PCDHGB1: variants seen among roughly 807,000 people sequenced by gnomAD.
PCDHGB1 encodes the protein protocadherin gamma-B1.
A neutral mutation model predicts 56.6 loss-of-function variants in PCDHGB1; 34 were observed. The observed-to-expected ratio is 0.60, with a 90% CI of 0.46 to 0.80. PCDHGB1 has a LOEUF of 0.80. Among genes scored for constraint, PCDHGB1 ranks in the 30% least tolerant of loss-of-function variants. The pLI, the probability that PCDHGB1 is intolerant of heterozygous loss-of-function variation, is 0.00. For missense variants in PCDHGB1, 1,278 were observed against 1,204.6 expected, an observed-to-expected ratio of 1.06 and a Z score of -0.90; for synonymous variants, 561 against 505.9, an observed-to-expected ratio of 1.11 and a Z score of -1.46.
chr5:141,374,657 CCGGAGCTGGTGCTGG>C (rs780169875), intron 1 of PCDHGB1: 1 of 1,612,018 alleles, frequency 6.2e-7, no homozygotes, highest in Admixed American at 1.7e-5. Context: ...GCCCAAGTAC[CCGGAGCTGGTGCTGG>C]AGGGCACACT....
chr5:141,416,585 A>T (rs2096043494), intron 1 of PCDHGB1: 2 of 152,244 alleles, frequency 1.3e-5, no homozygotes, highest in Non-Finnish European at 2.9e-5. Context: ...GAGGCAAAAT[A>T]AACTTAGAGT....
chr5:141,422,011 G>T (rs200879435), intron 1 of PCDHGB1: 2 of 1,610,252 alleles, frequency 1.2e-6, no homozygotes, highest in East Asian at 2.2e-5. Flanking sequence ...CGGAACTCGG[G>T]TGCTGATGGT....
chr5:141,359,491 C>T (rs553300282), intron 1 of PCDHGB1, among the ~76,000 whole-genome samples: 25 of 150,570 alleles, frequency 1.7e-4, no homozygotes, highest in African/African-American at 5.4e-4. Context: ...ATTCATATTA[C>T]GGACTACTAG....
chr5:141,445,115 A>G (rs1038787011), intron 1 of PCDHGB1, among the ~76,000 whole-genome samples: 1 of 152,308 alleles, frequency 6.6e-6, no homozygotes, highest in East Asian at 1.9e-4. Flanking sequence ...GTTATTGTAA[A>G]TAGTATTTTT....
chr5:141,498,146 G>A (rs924380243), intron 2 of PCDHGB1, among the ~76,000 whole-genome samples: 1 of 152,200 alleles, frequency 6.6e-6, no homozygotes, highest in Non-Finnish European at 1.5e-5. Context: ...GGACATCCTG[G>A]AAATGAAGTT....
At chr5:141,404,465 G>C in intron 1 of PCDHGB1, 1 of 1,613,516 alleles carries the variant, frequency 6.2e-7, no homozygotes, top group Non-Finnish European at 8.5e-7. Flanking sequence ...CTCCACCTAT[G>C]TCTCTATTAA....
At chr5:141,475,803 G>T in intron 1 of PCDHGB1, 1 of 319,920 alleles carries the variant, frequency 3.1e-6, no homozygotes, top group Non-Finnish European at 5.7e-6. Flanking sequence ...GAAGCCAAAG[G>T]AAAGTGAAGT....
At chr5:141,435,954 G>A (rs1163590812) in intron 1 of PCDHGB1, among the ~76,000 whole-genome samples, 2 of 152,092 alleles carry the variant, frequency 1.3e-5, no homozygotes, top group African/African-American at 2.4e-5. Flanking sequence ...AAAAAAGGGG[G>A]CAAAATATAG....
chr5:141,403,217 A>G (rs763517467), intron 1 of PCDHGB1: 10 of 1,613,810 alleles, frequency 6.2e-6, no homozygotes, highest in East Asian at 2.2e-5. Context: ...CACCGCGGGT[A>G]GGATAGACCG....
At position 141,490,346 on chromosome 5, in the gene PCDHGB1, T is replaced by G. The variant is rs1396321935; in HGVS notation, c.2410-4461T>G. 1.2e-6 allele frequency: 2 copies of G among 1,614,046 alleles called. No individual in the cohort carries two copies. Among genetic ancestry groups the G allele is most frequent in the African/African-American group, 2.7e-5 (2 of 74,900 alleles). ...GAGAGCACACCAGTGGGCACAGTAG[T>G]GGGGTTGTTTAATGTGCGAGACCGG... On this transcript the variant is annotated intron_variant, in intron 1 of 3. Coordinates refer to ENST00000523390, the MANE Select transcript of PCDHGB1 (RefSeq NM_018922.3). This position sits in a 1 kb window ranked among gnomAD's most constrained non-coding sequence, Gnocchi z 5.4.
At chr5:141,372,930 T>C (rs1381737731) in intron 1 of PCDHGB1, 2 of 884,806 alleles carry the variant, frequency 2.3e-6, no homozygotes, top group East Asian at 2.7e-5. Flanking sequence ...TTTTCTGGTG[T>C]AGAGTAGGGT....
rs774992336 is a variant in PCDHGB1, at chr5:141,409,845, T to G, written c.2409+57176T>G. The G allele has an allele frequency of 7.4e-6, 12 of 1,611,748 alleles. No homozygotes were observed. In the African/African-American group the frequency reaches 1.6e-4, roughly 22 times the overall value. On this transcript the variant is annotated intron_variant, in intron 1 of 3. Coordinates refer to ENST00000523390, the MANE Select transcript of PCDHGB1 (RefSeq NM_018922.3). ...CCCACGCTCAGCGCCAACGTGAGCCTGCGCGTGTTGGTGGGAGACCGCAAT... is the reference window on the plus strand; with the variant it reads ...CCCACGCTCAGCGCCAACGTGAGCCGGCGCGTGTTGGTGGGAGACCGCAAT...
intron 1 of PCDHGB1, chr5:141,362,189 A>G (rs745893208): frequency 5.6e-6 from 9 of 1,613,796 alleles, no homozygotes; most frequent in Non-Finnish European, 3.4e-6. Context: ...TCTGACCCCC[A>G]GGCAAAACTG....
chr5:141,394,836 T>C (rs116789057), intron 1 of PCDHGB1: 14 of 1,613,630 alleles, frequency 8.7e-6, no homozygotes, highest in South Asian at 1.1e-5. Flanking sequence ...CCTGACCGAG[T>C]TGGGCAGTCT....
At chr5:141,478,720 G>T (rs2154576937) in intron 1 of PCDHGB1, 1 of 1,543,694 alleles carries the variant, frequency 6.5e-7, no homozygotes, top group Admixed American at 2.0e-5. Context: ...ATGGTGGCCT[G>T]CCAGAGTGTG....
At chr5:141,458,774 A>G (rs2154566349) in intron 1 of PCDHGB1, among the ~76,000 whole-genome samples, 1 of 151,812 alleles carries the variant, frequency 6.6e-6, no homozygotes, top group Admixed American at 6.6e-5. Flanking sequence ...GCTGTGTCAC[A>G]CAGGCTGGAG....
At chr5:141,425,258 G>T (rs965944291) in intron 1 of PCDHGB1, among the ~76,000 whole-genome samples, 2 of 152,134 alleles carry the variant, frequency 1.3e-5, no homozygotes, top group Non-Finnish European at 2.9e-5. Context: ...GAGGTATTTG[G>T]CTGGGAAAAG....
chr5:141,503,440 C>A (rs1185892958), intron 2 of PCDHGB1, among the ~76,000 whole-genome samples: 2 of 151,694 alleles, frequency 1.3e-5, no homozygotes, highest in African/African-American at 4.8e-5. Context: ...ACTAAAAATA[C>A]AAAAATTCGC....
intron 1 of PCDHGB1, chr5:141,419,253 A>C (rs1590154657): frequency 6.2e-7 from 1 of 1,613,990 alleles, no homozygotes; most frequent in South Asian, 1.1e-5. Context: ...CCAGAAAACA[A>C]CCAGCCGGGT....
Sources: gnomAD v4.1 joint callset for allele counts (sites outside exome capture counted in the v4.1 genomes callset) on GRCh38, gnomAD v4.1.1 for gene constraint, Gnocchi (gnomAD v3.1) non-coding constraint, MANE v1.5 for transcripts, NCBI Gene and HGNC (gene_info 2026-07-23, HGNC 2026-07-21) for gene names.